The following CALCR variants were observed in gnomAD, a reference collection of about 807,000 sequenced individuals.
CALCR encodes the protein calcitonin receptor.
Under a neutral mutation model 59.5 loss-of-function variants are expected in CALCR, and 47 were observed. That is an observed-to-expected ratio of 0.79 (90% CI 0.63 to 1.01). The LOEUF (loss-of-function observed/expected upper bound fraction) is 1.01, where lower values mean the gene tolerates loss of function less well. CALCR is among the 50% of genes least tolerant of loss of function. The pLI, the probability that CALCR is intolerant of heterozygous loss-of-function variation, is 0.00. For synonymous variants in CALCR, 213 were observed against 211.3 expected, an observed-to-expected ratio of 1.01 and a Z score of -0.07; for missense variants, 566 against 597.1, an observed-to-expected ratio of 0.95 and a Z score of 0.54.
At chr7:93,563,074 A>G (rs934574816) in intron 2 of CALCR, among the ~76,000 whole-genome samples, 2 of 152,220 alleles carry the variant, frequency 1.3e-5, no homozygotes, top group Non-Finnish European at 2.9e-5. Flanking sequence ...ACATGGAAGT[A>G]CACACAAAGT....
At chr7:93,554,043 G>C (rs990522996) in intron 2 of CALCR, among the ~76,000 whole-genome samples, 3 of 152,136 alleles carry the variant, frequency 2.0e-5, no homozygotes, top group Non-Finnish European at 4.4e-5. Context: ...AAGAAATCTG[G>C]ATTTAAACTT....
chr7:93,541,668 G>C (rs1385038111), intron 2 of CALCR, among the ~76,000 whole-genome samples: 3 of 152,134 alleles, frequency 2.0e-5, no homozygotes, highest in Non-Finnish European at 4.4e-5. Context: ...ACAAGATTGT[G>C]ACTTATGTGC....
At chr7:93,527,526 T>C (rs1788696367) in intron 2 of CALCR, among the ~76,000 whole-genome samples, 1 of 152,162 alleles carries the variant, frequency 6.6e-6, no homozygotes, top group Non-Finnish European at 1.5e-5. Flanking sequence ...GTACTAGTTT[T>C]GTGATTTTTG....
At chr7:93,485,059 C>T (rs1024892787) in intron 3 of CALCR, among the ~76,000 whole-genome samples, 1 of 151,684 alleles carries the variant, frequency 6.6e-6, no homozygotes, top group African/African-American at 2.4e-5. Context: ...TAATTAGGAA[C>T]ATTGTCATTA....
Position 93,436,023 on chromosome 7 carries a change from G to C in CALCR, c.1078C>G (p.Pro360Ala), listed in dbSNP as rs759629612. ...PLLGIQFVVFPWRPSNKMLGK... is the reference protein window; with the variant it reads ...PLLGIQFVVFAWRPSNKMLGK... ...AGCATCTTGTTGGAAGGTCTCCAGGGAAAGACGACAAACTGGATTCCCAGC... is the reference window on the plus strand; with the variant it reads ...AGCATCTTGTTGGAAGGTCTCCAGGCAAAGACGACAAACTGGATTCCCAGC... The change falls in exon 12 of 14, where the codon CCC (proline) becomes GCC (alanine). Residue 360 changes from proline to alanine, a missense_variant. Coordinates refer to ENST00000426151, the MANE Select transcript of CALCR (RefSeq NM_001742.4). 14 of 1,613,572 alleles carry C rather than the reference G, an allele frequency of 8.7e-6. No homozygotes were observed. The Admixed American group carries it at 1.5e-4, about 17-fold the overall frequency.
chr7:93,458,288 G>T (rs1434486799), intron 8 of CALCR, among the ~76,000 whole-genome samples: 1 of 152,154 alleles, frequency 6.6e-6, no homozygotes, highest in Admixed American at 6.6e-5. Flanking sequence ...CACACAGGAT[G>T]CATGCTCTGG....
At chr7:93,541,376 T>A (rs1024963238) in intron 2 of CALCR, among the ~76,000 whole-genome samples, 5 of 152,056 alleles carry the variant, frequency 3.3e-5, no homozygotes, top group Non-Finnish European at 5.9e-5. Context: ...GGTTTCACTA[T>A]GTTGTCTCTA....
intron 2 of CALCR, among the ~76,000 whole-genome samples, chr7:93,514,047 A>G (rs1361574241): frequency 6.6e-6 from 1 of 152,050 alleles, no homozygotes; most frequent in African/African-American, 2.4e-5. Flanking sequence ...TGAATCAATC[A>G]TTAGAACTTT....
intron 9 of CALCR, 66 bp downstream of exon 9, chr7:93,443,535 TAGA>T (rs1799951701): frequency 1.4e-6 from 2 of 1,442,110 alleles, no homozygotes; most frequent in South Asian, 1.2e-5. Flanking sequence ...AGACCAAGAC[TAGA>T]AGAAGACTGA....
At chr7:93,547,919 C>T (rs945940610) in intron 2 of CALCR, among the ~76,000 whole-genome samples, 2 of 152,110 alleles carry the variant, frequency 1.3e-5, no homozygotes, top group Admixed American at 6.6e-5. Context: ...TGCTTAAGCA[C>T]GAGAACAGAT....
chr7:93,427,459 T>G (rs1161733611), intron 13 of CALCR, among the ~76,000 whole-genome samples: 1 of 152,228 alleles, frequency 6.6e-6, no homozygotes, highest in African/African-American at 2.4e-5. Flanking sequence ...TTTCTGAGTT[T>G]CTATTGCTCA....
At position 93,507,910 on chromosome 7, in the gene CALCR, G is replaced by A. The variant is rs182356362; in HGVS notation, c.-26-20903C>T. On this transcript the variant is annotated intron_variant, in intron 2 of 13. Coordinates refer to ENST00000426151, the MANE Select transcript of CALCR (RefSeq NM_001742.4). ...TACACTCCATCCTGGGTGACAGAGTGAGACTCCATCTCAAAAAAAAAGAAA... is the reference window on the plus strand; with the variant it reads ...TACACTCCATCCTGGGTGACAGAGTAAGACTCCATCTCAAAAAAAAAGAAA... Among the ~76,000 whole-genome samples the A allele has an allele frequency of 3.6e-3, 539 of 150,852 alleles. 1 individual carries two copies. Among genetic ancestry groups the A allele is most frequent in the Admixed American group, 8.7e-3 (132 of 15,158 alleles).
Position 93,443,755 on chromosome 7 carries a change from C to T in CALCR, c.651G>A (p.Val217=). The T allele has an allele frequency of 6.2e-7, 1 of 1,612,014 alleles. No individual in the cohort carries two copies. Among genetic ancestry groups the T allele is most frequent in the African/African-American group, 1.3e-5 (1 of 74,940 alleles). The change falls in exon 9 of 14, where the codon GTG becomes GTA. Residue 217 remains valine (V), a splice_region_variant and synonymous_variant. Transcript: ENST00000426151. ...GGAAAAAATGCAAAATCTTGCAGCT[C>T]ACCTGTCAGAAAGAAAGGAAGATAC... ...PNGELVRRDP[V]SCKILHFFHQ...
At chr7:93,462,212 C>T (rs1466741576) in intron 7 of CALCR, 1 of 586,316 alleles carries the variant, frequency 1.7e-6, no homozygotes, top group Admixed American at 3.4e-5. Context: ...TATAGTAACT[C>T]ATTAATAAAT....
chr7:93,520,794 A>T (rs1356316740), intron 2 of CALCR, among the ~76,000 whole-genome samples: 1 of 152,042 alleles, frequency 6.6e-6, no homozygotes, highest in African/African-American at 2.4e-5. Flanking sequence ...AGTGGGGCCA[A>T]TTTTTTTATG....
chr7:93,525,373 C>A (rs574566811), intron 2 of CALCR, among the ~76,000 whole-genome samples: 1 of 152,224 alleles, frequency 6.6e-6, no homozygotes, highest in African/African-American at 2.4e-5. Context: ...TAGGGGCTTG[C>A]AGGCTATTTC....
intron 13 of CALCR, among the ~76,000 whole-genome samples, chr7:93,427,950 C>T (rs775397664): frequency 6.6e-6 from 1 of 152,134 alleles, no homozygotes; most frequent in African/African-American, 2.4e-5. Flanking sequence ...ATTTAGCAAT[C>T]TGATAATTTG....
intron 6 of CALCR, among the ~76,000 whole-genome samples, chr7:93,470,343 G>A (rs914042313): frequency 2.6e-5 from 4 of 151,396 alleles, no homozygotes; most frequent in African/African-American, 9.7e-5. Flanking sequence ...TTCACTTGTA[G>A]ACAATATCAG....
chr7:93,520,511 T>G (rs1801739694), intron 2 of CALCR, among the ~76,000 whole-genome samples: 1 of 152,160 alleles, frequency 6.6e-6, no homozygotes, highest in Non-Finnish European at 1.5e-5. Flanking sequence ...TTCCTTATTG[T>G]GCCATTTTTA....
Sources: allele counts gnomAD v4.1 joint callset (sites outside exome capture counted in the v4.1 genomes callset), GRCh38; gene constraint gnomAD v4.1.1; transcripts MANE v1.5; gene names NCBI Gene and HGNC (gene_info 2026-07-23, HGNC 2026-07-21).